The following ZNF804A variants were observed in gnomAD, a reference collection of about 807,000 sequenced individuals.
The protein encoded by ZNF804A is zinc finger protein 804A.
Under a neutral mutation model 16.5 loss-of-function variants are expected in ZNF804A, and 2 were observed. That is an observed-to-expected ratio of 0.12 (90% CI 0.05 to 0.38). The LOEUF (loss-of-function observed/expected upper bound fraction) is 0.38, where lower values mean the gene tolerates loss of function less well. Among genes scored for constraint, ZNF804A ranks in the 10% least tolerant of loss-of-function variants. The pLI, the probability that ZNF804A is intolerant of heterozygous loss-of-function variation, is 0.99. For missense variants in ZNF804A, 1,473 were observed against 1,390.7 expected (o/e 1.06, Z -0.94); for synonymous variants, 534 against 489.6 (o/e 1.09, Z -1.20).
At chr2:184,712,949 T>C (rs1240128615) in intron 1 of ZNF804A, among the ~76,000 whole-genome samples, 2 of 151,852 alleles carry the variant, frequency 1.3e-5, no homozygotes, top group Non-Finnish European at 2.9e-5. Flanking sequence ...TCTTTGTTTT[T>C]TGTAACTCAC....
chr2:184,739,042 C>A (rs1238637223), intron 1 of ZNF804A, among the ~76,000 whole-genome samples: 1 of 152,130 alleles, frequency 6.6e-6, no homozygotes, highest in Non-Finnish European at 1.5e-5. Flanking sequence ...GTAGGATAAA[C>A]AATAATAACT....
intron 1 of ZNF804A, among the ~76,000 whole-genome samples, chr2:184,784,304 T>C (rs1485705817): frequency 6.6e-6 from 1 of 152,056 alleles, no homozygotes; most frequent in African/African-American, 2.4e-5. Flanking sequence ...TTAAATCTCA[T>C]ATAGCTAGAT....
At chr2:184,875,625 T>G (rs560366635) in intron 2 of ZNF804A, among the ~76,000 whole-genome samples, 3 of 152,230 alleles carry the variant, frequency 2.0e-5, no homozygotes, top group African/African-American at 7.2e-5. Context: ...AACACAAATG[T>G]ACAGAGACGG....
intron 1 of ZNF804A, among the ~76,000 whole-genome samples, chr2:184,756,960 TC>T (rs1346309885): frequency 6.6e-6 from 1 of 152,052 alleles, no homozygotes; most frequent in Non-Finnish European, 1.5e-5. Flanking sequence ...CTTCCATCTT[TC>T]TAAACAGTTA....
At chr2:184,887,359 C>G (rs1228937847) in intron 2 of ZNF804A, among the ~76,000 whole-genome samples, 1 of 152,252 alleles carries the variant, frequency 6.6e-6, no homozygotes, top group Non-Finnish European at 1.5e-5. Context: ...AAGTTCCAAA[C>G]TTTCCCACAT....
chr2:184,703,058 G>T (rs1014171268), intron 1 of ZNF804A, among the ~76,000 whole-genome samples: 4 of 151,840 alleles, frequency 2.6e-5, no homozygotes, highest in African/African-American at 9.7e-5. Flanking sequence ...GCTCCTTTTT[G>T]ATTATAAGCA....
At chr2:184,791,908 T>A (rs1452038567) in intron 1 of ZNF804A, among the ~76,000 whole-genome samples, 4 of 152,198 alleles carry the variant, frequency 2.6e-5, no homozygotes, top group Non-Finnish European at 5.9e-5. Context: ...GCTATATAGT[T>A]GGAATCATAC....
chr2:184,819,703 T>C (rs565686323), intron 1 of ZNF804A, among the ~76,000 whole-genome samples: 3 of 150,898 alleles, frequency 2.0e-5, no homozygotes, highest in African/African-American at 7.3e-5. Context: ...GAGGGAAGAA[T>C]CAAATGACAC....
At chr2:184,844,821 T>C (rs1217542037) in intron 1 of ZNF804A, among the ~76,000 whole-genome samples, 1 of 152,002 alleles carries the variant, frequency 6.6e-6, no homozygotes, top group Non-Finnish European at 1.5e-5. Context: ...CACTTCTCTC[T>C]CTCTCCAGCT....
Position 184,763,630 on chromosome 2 carries a change from C to CTTTTTTTTT in ZNF804A, c.112-102715_112-102707dup, listed in dbSNP as rs1188087789. On this transcript the variant is annotated intron_variant, in intron 1 of 3. Transcript: ENST00000302277. ...TGCTTTACTTTTTTTCTTCAAAGTG[C>CTTTTTTTTT]TTTTTTTTTTTTTTTTTTTTTTTTT... is the stretch of plus-strand genomic sequence containing the variant. 1.4e-4 allele frequency among the ~76,000 whole-genome samples: 3 copies of CTTTTTTTTT among 21,272 alleles called. 1 individual carries two copies. The highest frequency in any genetic ancestry group is 2.3e-4 in the Non-Finnish European group (3 of 12,840). 14.0% of individuals were successfully genotyped at this position (21,272 alleles called of 152,430 possible). A position where few individuals can be genotyped will look rare whatever the true frequency, so the allele number is the denominator to read the frequency against.
chr2:184,784,962 CCCTA>C (rs1694424943), intron 1 of ZNF804A, among the ~76,000 whole-genome samples: 1 of 151,954 alleles, frequency 6.6e-6, no homozygotes, highest in African/African-American at 2.4e-5. Context: ...AGACAAGCTT[CCCTA>C]CCTATTGATC....
chr2:184,771,105 C>G (rs1329650386), intron 1 of ZNF804A, among the ~76,000 whole-genome samples: 15 of 151,948 alleles, frequency 9.9e-5, no homozygotes, highest in Non-Finnish European at 2.2e-4. Flanking sequence ...ATACCACACA[C>G]AAAAGAAATT....
At chr2:184,664,821 G>A (rs892639507) in intron 1 of ZNF804A, among the ~76,000 whole-genome samples, 1 of 152,018 alleles carries the variant, frequency 6.6e-6, no homozygotes, top group Non-Finnish European at 1.5e-5. Context: ...GACAGCTCTT[G>A]TAGGCATGGT....
At chr2:184,820,839 C>T (rs1051844325) in intron 1 of ZNF804A, among the ~76,000 whole-genome samples, 19 of 152,026 alleles carry the variant, frequency 1.2e-4, no homozygotes, top group African/African-American at 4.6e-4. Flanking sequence ...TAATAAAATA[C>T]CTAGGAATAT....
intron 1 of ZNF804A, among the ~76,000 whole-genome samples, chr2:184,602,938 G>T (rs1030220923): frequency 6.6e-6 from 1 of 151,970 alleles, no homozygotes; most frequent in Non-Finnish European, 1.5e-5. Flanking sequence ...TTGGTCGAAG[G>T]CACTTTATTT....
chr2:184,866,645 TG>T, intron 2 of ZNF804A, 133 bp downstream of exon 2: 1 of 754,132 alleles, frequency 1.3e-6, no homozygotes, highest in Non-Finnish European at 1.9e-6. Context: ...TATATCATTC[TG>T]GGATGATAAT....
intron 2 of ZNF804A, among the ~76,000 whole-genome samples, chr2:184,911,805 T>G (rs1685364105): frequency 1.3e-5 from 2 of 151,986 alleles, no homozygotes; most frequent in Non-Finnish European, 2.9e-5. Context: ...GTGAATAAAT[T>G]AAAAAACAAA....
At position 184,935,944 on chromosome 2, in the gene ZNF804A, T is replaced by C; in HGVS notation, c.548T>C (p.Val183Ala). The change falls in exon 4 of 4, where the codon GTT becomes GCT. Residue 183 changes from valine (V) to alanine (A), a missense_variant. Val to Ala is a moderately conservative substitution (Grantham distance 64, BLOSUM62 0). Transcript: ENST00000302277. ...SEENTKDATTVAEDPESANNY... is the reference protein window; with the variant it reads ...SEENTKDATTAAEDPESANNY... ...GAGAATACTAAAGATGCTACCACTG[T>C]TGCTGAAGATCCAGAAAGTGCAAAT... 3.1e-6 allele frequency: 5 copies of C among 1,613,964 alleles called. No homozygotes were observed. Among genetic ancestry groups the C allele is most frequent in the Non-Finnish European group, 4.2e-6 (5 of 1,179,930 alleles).
At chr2:184,751,805 A>AAACTG (rs1448806973) in intron 1 of ZNF804A, among the ~76,000 whole-genome samples, 1 of 151,770 alleles carries the variant, frequency 6.6e-6, no homozygotes, top group Non-Finnish European at 1.5e-5. Context: ...ACCACATTAA[A>AAACTG]AACTGGGCAA....
Sources: gnomAD v4.1 joint callset for allele counts (sites outside exome capture counted in the v4.1 genomes callset) on GRCh38, gnomAD v4.1.1 for gene constraint, MANE v1.5 for transcripts, NCBI Gene and HGNC (gene_info 2026-07-23, HGNC 2026-07-21) for gene names.